The following PCDHGC3 variants were observed in gnomAD, a reference collection of about 807,000 sequenced individuals.
PCDHGC3 encodes protocadherin gamma subfamily C, 3.
A neutral mutation model predicts 59.2 loss-of-function variants in PCDHGC3; 26 were observed. The ratio of observed to expected loss-of-function variants is 0.44; its 90% CI spans 0.32 to 0.61. PCDHGC3 has a LOEUF of 0.61. Ranked by LOEUF, PCDHGC3 falls within the 20% of genes least tolerant of loss-of-function variation. PCDHGC3 has a pLI of 0.05. For synonymous variants in PCDHGC3, 487 were observed against 519.7 expected, an observed-to-expected ratio of 0.94 and a Z score of 0.86; for missense variants, 1,080 against 1,221.8, an observed-to-expected ratio of 0.88 and a Z score of 1.73.
chr5:141,488,128 G>T (rs1412334197), intron 1 of PCDHGC3, among the ~76,000 whole-genome samples: 1 of 152,226 alleles, frequency 6.6e-6, no homozygotes, highest in Non-Finnish European at 1.5e-5. Context: ...ACAGCAGAAA[G>T]AGGAGAGAAC....
intron 2 of PCDHGC3, among the ~76,000 whole-genome samples, chr5:141,502,845 T>G (rs2099816267): frequency 6.8e-6 from 1 of 147,606 alleles, no homozygotes; most frequent in South Asian, 2.1e-4. Context: ...CTGGCTGAGC[T>G]GCCTAACCCT....
intron 3 of PCDHGC3, among the ~76,000 whole-genome samples, chr5:141,505,926 G>T (rs114056147): frequency 6.6e-6 from 1 of 152,146 alleles, no homozygotes; most frequent in African/African-American, 2.4e-5. Flanking sequence ...TGGGCCTGGC[G>T]CTTGGAAGCC....
rs1188870363 is a variant in PCDHGC3 at position 141,490,058 on chromosome 5, C to A, written c.2431-4749C>A. 16 of 1,614,230 alleles carry A rather than the reference C, an allele frequency of 9.9e-6. No individual in the cohort carries two copies. In the East Asian group the frequency reaches 3.6e-4, roughly 36 times the overall value. The stretch of plus-strand genomic sequence containing the variant: ...AATGCCACTGATCCAGACGAGGGCA[C>A]CAACGGCCAACTAGACTATTCTTTT... On this transcript the variant is annotated intron_variant, in intron 1 of 3. Coordinates refer to ENST00000308177, the MANE Select transcript of PCDHGC3 (RefSeq NM_002588.4). This position sits in a 1 kb window ranked among gnomAD's most constrained non-coding sequence, Gnocchi z 5.4.
At chr5:141,500,370 G>C (rs766183384) in intron 2 of PCDHGC3, among the ~76,000 whole-genome samples, 1 of 151,644 alleles carries the variant, frequency 6.6e-6, no homozygotes, top group Non-Finnish European at 1.5e-5. Flanking sequence ...TACCACGCCC[G>C]GCTAATTATT....
chr5:141,503,221 C>A (rs528636727), intron 2 of PCDHGC3, among the ~76,000 whole-genome samples: 2 of 151,956 alleles, frequency 1.3e-5, no homozygotes, highest in Non-Finnish European at 2.9e-5. Context: ...CCATGAGCAC[C>A]GTAAAGATGG....
chr5:141,476,453 G>C lies in PCDHGC3; in HGVS notation c.337G>C (p.Glu113Gln). The change falls in exon 1 of 4, where the codon GAG (glutamate) becomes CAG (glutamine). Residue 113 changes from glutamate (E) to glutamine (Q), a missense_variant. Glu to Gln is a conservative substitution (Grantham distance 29). Coordinates refer to ENST00000308177, the MANE Select transcript of PCDHGC3 (RefSeq NM_002588.4). This position sits in a 1 kb window ranked among gnomAD's most constrained non-coding sequence, Gnocchi z 7.6. Reference protein sequence around the residue: ...SCTVTLELVVENPLELFSVEV... With the variant: ...SCTVTLELVVQNPLELFSVEV... The stretch of plus-strand genomic sequence containing the variant: ...CACTGTAACTCTGGAGTTGGTAGTG[G>C]AGAACCCGCTGGAGCTGTTCAGCGT... 2 of 1,614,138 alleles carry C rather than the reference G, an allele frequency of 1.2e-6. No homozygotes were observed. Among genetic ancestry groups the C allele is most frequent in the Non-Finnish European group, 1.7e-6 (2 of 1,180,022 alleles).
chr5:141,492,908 A>G (rs1595151443), intron 1 of PCDHGC3, among the ~76,000 whole-genome samples: 2 of 152,302 alleles, frequency 1.3e-5, no homozygotes, highest in African/African-American at 4.8e-5. Context: ...TCGTGATCAC[A>G]ATGTGCCCAG....
chr5:141,490,322 A>C lies in PCDHGC3; in HGVS notation c.2431-4485A>C. ...GCCTCTTTGGCCAACCCTGTCCTAGAGAGCACACCAGTGGGCACAGTAGTG... is the reference window on the plus strand; with the variant it reads ...GCCTCTTTGGCCAACCCTGTCCTAGCGAGCACACCAGTGGGCACAGTAGTG... On this transcript the variant is annotated intron_variant, in intron 1 of 3. Coordinates refer to ENST00000308177, the MANE Select transcript of PCDHGC3 (RefSeq NM_002588.4). This position sits in a 1 kb window ranked among gnomAD's most constrained non-coding sequence, Gnocchi z 5.4. The C allele has an allele frequency of 6.2e-7, 1 of 1,614,232 alleles. No individual in the cohort carries two copies. Among genetic ancestry groups the C allele is most frequent in the Non-Finnish European group, 8.5e-7 (1 of 1,180,038 alleles).
At chr5:141,492,242 C>G (rs2099738685) in intron 1 of PCDHGC3, among the ~76,000 whole-genome samples, 1 of 152,190 alleles carries the variant, frequency 6.6e-6, no homozygotes, top group Admixed American at 6.5e-5. Flanking sequence ...GCTGGCCACC[C>G]CCACGGCCCA....
Position 141,490,709 on chromosome 5 carries a change from C to T in PCDHGC3, c.2431-4098C>T. ...GACACTGGGGATAATGCCCGCCTCA[C>T]CTACTCCATTGTAGGAAATCAGGTT... On this transcript the variant is annotated intron_variant, in intron 1 of 3. Transcript: ENST00000308177. This position sits in a 1 kb window ranked among gnomAD's most constrained non-coding sequence, Gnocchi z 5.4. The T allele has an allele frequency of 1.9e-6, 3 of 1,614,218 alleles. No homozygotes were observed. Among genetic ancestry groups the T allele is most frequent in the Non-Finnish European group, 2.5e-6 (3 of 1,180,038 alleles).
Position 141,505,441 on chromosome 5 carries a change from C to A in PCDHGC3, c.2538C>A (p.Asp846Glu), listed in dbSNP as rs2099846055. 6.2e-7 allele frequency: 1 copy of A among 1,614,084 alleles called. No individual in the cohort carries two copies. Among genetic ancestry groups the A allele is most frequent in the Non-Finnish European group, 8.5e-7 (1 of 1,180,024 alleles). Reference sequence around the variant, plus strand: ...GCACCTGGCCCAACAACCAGTTTGACACAGAGATGCTGCAAGCCATGATCT... The same window carrying A: ...GCACCTGGCCCAACAACCAGTTTGAAACAGAGATGCTGCAAGCCATGATCT... ...DTGTWPNNQFDTEMLQAMILA... is the reference protein window; with the variant it reads ...DTGTWPNNQFETEMLQAMILA... Residue 846 changes from aspartate to glutamate, a missense_variant, in exon 3 of 4, where the codon GAC becomes GAA. Transcript: ENST00000308177.
In PCDHGC3 at chr5:141,494,849, A is replaced by C; in HGVS notation, c.2473A>C (p.Arg825=). ...NTDWRFSQAQ[R]PGTSGSQNGD... ...GGACTGGCGTTTCTCTCAGGCCCAG[A>C]GACCCGGCACCAGCGGGTAGGTGAC... Residue 825 remains arginine, a synonymous_variant, in exon 2 of 4, where the codon AGA becomes CGA. Transcript: ENST00000308177. 1 of 1,614,102 alleles carries C rather than the reference A, an allele frequency of 6.2e-7. No individual in the cohort carries two copies. Among genetic ancestry groups the C allele is most frequent in the Non-Finnish European group, 8.5e-7 (1 of 1,180,014 alleles).
rs2099426122 is a variant in PCDHGC3 at position 141,477,960 on chromosome 5, A to C, written c.1844A>C (p.Asn615Thr). The change falls in exon 1 of 4, where the codon AAC becomes ACC. Residue 615 changes from asparagine to threonine, a missense_variant. Coordinates refer to ENST00000308177, the MANE Select transcript of PCDHGC3 (RefSeq NM_002588.4). This position sits in a 1 kb window ranked among gnomAD's most constrained non-coding sequence, Gnocchi z 4.9. ...WLSYSLLGSP[N>T]QSLFAIGLHT... is the part of the protein sequence containing the mutation. ...TCCTACAGTCTCTTGGGATCCCCTAACCAGAGCCTTTTTGCCATAGGGCTG... is the reference window on the plus strand; with the variant it reads ...TCCTACAGTCTCTTGGGATCCCCTACCCAGAGCCTTTTTGCCATAGGGCTG... 1 of 1,613,952 alleles carries C rather than the reference A, an allele frequency of 6.2e-7. No individual in the cohort carries two copies. Among genetic ancestry groups the C allele is most frequent in the African/African-American group, 1.3e-5 (1 of 74,922 alleles).
intron 1 of PCDHGC3, among the ~76,000 whole-genome samples, chr5:141,482,760 C>CAGCTGTG (rs1363796107): frequency 2.1e-5 from 3 of 141,084 alleles, no homozygotes; most frequent in African/African-American, 5.7e-5. Flanking sequence ...TATGGTATTT[C>CAGCTGTG]ATTATCACTG....
chr5:141,502,491 T>G lies in PCDHGC3; in HGVS notation c.2490-2902T>G, dbSNP rs557202239. Among the ~76,000 whole-genome samples, 1,415 of 152,344 alleles carry G rather than the reference T, an allele frequency of 9.3e-3. 29 individuals carry two copies. The highest frequency in any genetic ancestry group is 0.033 in the African/African-American group (1,352 of 41,578). ...TCCCGCAGCATCACACTGGGACTCA[T>G]CTAACGTCGGCCTGTCCCACTATCA... is the stretch of plus-strand genomic sequence containing the variant. On this transcript the variant is annotated intron_variant, in intron 2 of 3. Transcript: ENST00000308177.
At chr5:141,500,455 C>T (rs1254764658) in intron 2 of PCDHGC3, among the ~76,000 whole-genome samples, 4 of 151,986 alleles carry the variant, frequency 2.6e-5, no homozygotes, top group Non-Finnish European at 5.9e-5. Context: ...GTGATCCGCC[C>T]GCCTCGGCCT....
Position 141,485,392 on chromosome 5 carries a change from A to G in PCDHGC3, c.2430+6846A>G. ...AGGTCGCTGGAGAGGTGAACCAAAG[A>G]CACTTCCGTGTGGATTTGGACAGCG... On this transcript the variant is annotated intron_variant, in intron 1 of 3. Coordinates refer to ENST00000308177, the MANE Select transcript of PCDHGC3 (RefSeq NM_002588.4). This position sits in a 1 kb window ranked among gnomAD's most constrained non-coding sequence, Gnocchi z 5.7. 1 of 1,613,918 alleles carries G rather than the reference A, an allele frequency of 6.2e-7. No homozygotes were observed. The highest frequency in any genetic ancestry group is 8.5e-7 in the Non-Finnish European group (1 of 1,179,938).
At position 141,489,545 on chromosome 5, in the gene PCDHGC3, G is replaced by A. The variant is rs1396651116; in HGVS notation, c.2431-5262G>A. On this transcript the variant is annotated intron_variant, in intron 1 of 3. Transcript: ENST00000308177. The surrounding 1 kb of genome is among the most constrained non-coding windows in gnomAD (Gnocchi z 4.5). ...AGCCTATGTGGAGCCAGCACCAGCT[G>A]CCTGCTGCCAGTGCAGGTGGTGACT... 3 of 1,613,984 alleles carry A rather than the reference G, an allele frequency of 1.9e-6. No individual in the cohort carries two copies. The highest frequency in any genetic ancestry group is 2.5e-6 in the Non-Finnish European group (3 of 1,180,022).
chr5:141,496,737 C>T (rs900394639), intron 2 of PCDHGC3, among the ~76,000 whole-genome samples: 9 of 152,168 alleles, frequency 5.9e-5, no homozygotes, highest in African/African-American at 2.2e-4. Context: ...TTCATTCGTT[C>T]ATTTATTCAA....
Sources: allele counts gnomAD v4.1 joint callset (sites outside exome capture counted in the v4.1 genomes callset), GRCh38; gene constraint gnomAD v4.1.1; non-coding constraint Gnocchi (gnomAD v3.1); transcripts MANE v1.5; gene names NCBI Gene and HGNC (gene_info 2026-07-23, HGNC 2026-07-21).